The following ADGRL3 variants were observed in gnomAD, a reference collection of about 807,000 sequenced individuals.
The protein encoded by ADGRL3 is calcium-independent alpha-latrotoxin receptor 3.
ADGRL3 carries 62 observed loss-of-function variants against 153.5 expected under a neutral mutation model. The observed-to-expected ratio is 0.40, with a 90% confidence interval of 0.33 to 0.50. ADGRL3 has a LOEUF of 0.50. Among genes scored for constraint, ADGRL3 ranks in the 20% least tolerant of loss-of-function variants. The probability of loss-of-function intolerance (pLI) is 0.47; values close to 1 mark genes in which losing one functional copy is unlikely to be tolerated. For missense variants in ADGRL3, 1,641 were observed against 1,859.4 expected (o/e 0.88, Z 2.16); for synonymous variants, 710 against 672.5 (o/e 1.06, Z -0.86).
intron 4 of ADGRL3, among the ~76,000 whole-genome samples, chr4:61,560,322 C>G (rs1355345071): frequency 6.6e-6 from 1 of 152,088 alleles, no homozygotes; most frequent in African/African-American, 2.4e-5. Flanking sequence ...AATAAGGTAT[C>G]TTTTATGCAC....
intron 9 of ADGRL3, among the ~76,000 whole-genome samples, chr4:61,832,138 T>G (rs2097878872): frequency 6.6e-6 from 1 of 151,952 alleles, no homozygotes; most frequent in Non-Finnish European, 1.5e-5. Context: ...AATGCACATA[T>G]GGAGTTAGGA....
intron 2 of ADGRL3, among the ~76,000 whole-genome samples, chr4:61,456,657 G>A (rs373892143): frequency 1.3e-5 from 2 of 151,152 alleles, no homozygotes; most frequent in Non-Finnish European, 3.0e-5. Context: ...TATGTGGCTC[G>A]GATAAAACCA....
intron 2 of ADGRL3, among the ~76,000 whole-genome samples, chr4:61,411,505 A>G (rs1482967242): frequency 6.6e-6 from 1 of 152,162 alleles, no homozygotes; most frequent in Non-Finnish European, 1.5e-5. Flanking sequence ...TCTTTCTTAA[A>G]TAGCTTGCCC....
intron 8 of ADGRL3, among the ~76,000 whole-genome samples, chr4:61,791,094 T>C (rs1423476692): frequency 4.6e-5 from 7 of 152,092 alleles, no homozygotes; most frequent in Non-Finnish European, 1.0e-4. Context: ...CATGTCCTCA[T>C]ATTTCAAAAC....
At chr4:61,210,545 T>TC (rs11420896) in intron 1 of ADGRL3, among the ~76,000 whole-genome samples, 63,536 of 151,924 alleles carry the variant, frequency 0.42, 13,663 homozygotes, top group Middle Eastern at 0.52. Context: ...TTGGTTTGTT[T>TC]CCCCCTTCCC....
Position 62,074,025 on chromosome 4 carries a change from C to G in ADGRL3, c.*3117C>G, listed in dbSNP as rs1164912558. 2 of 152,072 alleles carry G rather than the reference C, an allele frequency of 1.3e-5. No homozygotes were observed. Among genetic ancestry groups the G allele is most frequent in the Admixed American group, 1.3e-4 (2 of 15,260 alleles). The allele number at this position is 152,072 out of a possible 1,614,324, so 9.4% of individuals were successfully genotyped here. A position where few individuals can be genotyped will look rare whatever the true frequency, so the allele number is the denominator to read the frequency against. ...CACTAGCAAGGGTTGAATTCCTGAACTTGAATCTTTTTCTTCATATACATT... is the reference window on the plus strand; with the variant it reads ...CACTAGCAAGGGTTGAATTCCTGAAGTTGAATCTTTTTCTTCATATACATT... On this transcript the variant is annotated 3_prime_UTR_variant, in exon 27 of 27. Coordinates refer to ENST00000683033, the MANE Select transcript of ADGRL3 (RefSeq NM_001387552.1).
At chr4:61,814,002 A>G in intron 9 of ADGRL3, 113 bp downstream of exon 9, 1 of 1,358,172 alleles carries the variant, frequency 7.4e-7, no homozygotes, top group African/African-American at 1.5e-5. Flanking sequence ...AGCAGGGGTA[A>G]AATGAAGTAT....
intron 5 of ADGRL3, among the ~76,000 whole-genome samples, chr4:61,619,476 G>A (rs541665717): frequency 6.6e-6 from 1 of 150,886 alleles, no homozygotes; most frequent in African/African-American, 2.4e-5. Context: ...TTCCATTTTT[G>A]TTTCATTGCT....
intron 1 of ADGRL3, among the ~76,000 whole-genome samples, chr4:61,239,946 G>C (rs1754281070): frequency 6.6e-6 from 1 of 152,132 alleles, no homozygotes; most frequent in Admixed American, 6.6e-5. Flanking sequence ...AGAGGCCATT[G>C]ATTATTTGGC....
intron 4 of ADGRL3, among the ~76,000 whole-genome samples, chr4:61,543,656 G>A (rs894891266): frequency 3.2e-4 from 48 of 152,058 alleles, no homozygotes; most frequent in Non-Finnish European, 5.1e-4. Flanking sequence ...TATATTTAAC[G>A]TTTATTCTTC....
chr4:61,460,990 A>G (rs2097806259), intron 2 of ADGRL3, among the ~76,000 whole-genome samples: 1 of 152,154 alleles, frequency 6.6e-6, no homozygotes, highest in Admixed American at 6.6e-5. Flanking sequence ...GAATTGCTTG[A>G]GCCTGGGAGG....
chr4:61,334,955 A>G (rs1051041813), intron 1 of ADGRL3, among the ~76,000 whole-genome samples: 4 of 152,108 alleles, frequency 2.6e-5, no homozygotes, highest in Non-Finnish European at 4.4e-5. Flanking sequence ...TGTAGGTAAA[A>G]TACTTTCTTC....
intron 5 of ADGRL3, among the ~76,000 whole-genome samples, chr4:61,591,968 C>T (rs2098971260): frequency 1.3e-5 from 2 of 149,512 alleles, no homozygotes; most frequent in South Asian, 2.1e-4. Context: ...CCCAGCTGCT[C>T]GGGGTTGCTG....
intron 2 of ADGRL3, among the ~76,000 whole-genome samples, chr4:61,474,350 C>T (rs775709416): frequency 2.0e-5 from 3 of 151,990 alleles, no homozygotes; most frequent in Non-Finnish European, 2.9e-5. Flanking sequence ...TGTTTTCTGC[C>T]GGAGGGTTTG....
intron 1 of ADGRL3, among the ~76,000 whole-genome samples, chr4:61,293,811 A>G (rs1393950209): frequency 1.3e-5 from 2 of 152,178 alleles, no homozygotes; most frequent in East Asian, 3.9e-4. Context: ...GAATAGATTT[A>G]AATCCTAGCT....
At chr4:61,215,167 C>A (rs1742066126) in intron 1 of ADGRL3, among the ~76,000 whole-genome samples, 1 of 152,180 alleles carries the variant, frequency 6.6e-6, no homozygotes, top group African/African-American at 2.4e-5. Context: ...CGATACATTT[C>A]TAGCAGTCAG....
At chr4:61,249,680 G>A (rs887894918) in intron 1 of ADGRL3, among the ~76,000 whole-genome samples, 3 of 152,160 alleles carry the variant, frequency 2.0e-5, no homozygotes, top group Non-Finnish European at 2.9e-5. Context: ...AGCTGAAAAC[G>A]TTGGGAAACG....
intron 13 of ADGRL3, chr4:61,933,780 A>G (rs909089734): frequency 3.3e-5 from 5 of 152,150 alleles, no homozygotes; most frequent in African/African-American, 9.7e-5. Context: ...TGTGGAGGGT[A>G]TTTCTCTAGT....
At chr4:61,704,346 T>C (rs2151360555) in intron 6 of ADGRL3, among the ~76,000 whole-genome samples, 1 of 152,326 alleles carries the variant, frequency 6.6e-6, no homozygotes, top group Middle Eastern at 3.4e-3. Context: ...TATAAATTTT[T>C]TGGTAACCTA....
Sources: gnomAD v4.1 joint callset for allele counts (sites outside exome capture counted in the v4.1 genomes callset) on GRCh38, gnomAD v4.1.1 for gene constraint, MANE v1.5 for transcripts, NCBI Gene and HGNC (gene_info 2026-07-23, HGNC 2026-07-21) for gene names.